FLNB: variants seen among roughly 807,000 people sequenced by gnomAD.
FLNB encodes the protein filamin B.
A neutral mutation model predicts 250.6 loss-of-function variants in FLNB; 111 were observed. That is an observed-to-expected ratio of 0.44 (90% confidence interval 0.38 to 0.52). FLNB has a LOEUF of 0.52. FLNB is among the 20% of genes least tolerant of loss of function. The pLI is 0.00. For synonymous variants in FLNB, 1,302 were observed against 1,372.1 expected (o/e 0.95, Z 1.13); for missense variants, 2,869 against 3,447.8 (o/e 0.83, Z 4.20).
At chr3:58,127,319 C>T (rs1380312831) in intron 24 of FLNB, among the ~76,000 whole-genome samples, 1 of 148,630 alleles carries the variant, frequency 6.7e-6, no homozygotes, top group African/African-American at 2.5e-5. Context: ...GAGGAAGACC[C>T]TGTCTCAAAA....
At chr3:58,102,455 A>C in intron 9 of FLNB, 115 bp downstream of exon 9, 3 of 1,246,390 alleles carry the variant, frequency 2.4e-6, no homozygotes, top group Non-Finnish European at 3.5e-6. Context: ...AGGCTATGTC[A>C]AGGATTTGAG....
At chr3:58,167,360 G>C (rs1326815164) in intron 43 of FLNB, among the ~76,000 whole-genome samples, 3 of 152,166 alleles carry the variant, frequency 2.0e-5, no homozygotes, top group Non-Finnish European at 2.9e-5. Flanking sequence ...GGAACAGCTG[G>C]GTTGTGTTTG....
chr3:58,018,004 T>C (rs1242914330), intron 1 of FLNB, among the ~76,000 whole-genome samples: 1 of 152,172 alleles, frequency 6.6e-6, no homozygotes, highest in Non-Finnish European at 1.5e-5. Context: ...CATATTATTC[T>C]TTGGCTCTTC....
chr3:58,076,081 C>T (rs936317453), intron 1 of FLNB, among the ~76,000 whole-genome samples: 23 of 152,100 alleles, frequency 1.5e-4, no homozygotes, highest in African/African-American at 2.2e-4. Context: ...CACAACAGGA[C>T]GCATTTGTGT....
intron 1 of FLNB, among the ~76,000 whole-genome samples, chr3:58,043,040 A>C (rs1169311684): frequency 6.6e-6 from 1 of 151,792 alleles, no homozygotes; most frequent in African/African-American, 2.4e-5. Flanking sequence ...GAATTGGGAA[A>C]TTTCCTAGAG....
At chr3:58,090,287 G>A (rs1227194892) in intron 4 of FLNB, among the ~76,000 whole-genome samples, 2 of 151,978 alleles carry the variant, frequency 1.3e-5, no homozygotes, top group Non-Finnish European at 2.9e-5. Context: ...TGGAACCGCC[G>A]TCTCCTATAA....
intron 28 of FLNB, among the ~76,000 whole-genome samples, chr3:58,136,874 C>G (rs2097317056): frequency 6.6e-6 from 1 of 151,326 alleles, no homozygotes. Context: ...TGCCCACGAC[C>G]ATGCCCGGCT....
chr3:58,102,256 G>A lies in FLNB; in HGVS notation c.1399G>A (p.Val467Ile), dbSNP rs373572801. The change falls in exon 9 of 46, where the codon GTC (valine) becomes ATC (isoleucine). Residue 467 changes from valine (V) to isoleucine (I), a missense_variant. Val to Ile is a conservative substitution (Grantham distance 29, BLOSUM62 3). This residue lies in a region of FLNB where 1,348 missense variants were observed against 1,466.7 expected (regional missense o/e 0.92). Coordinates refer to ENST00000295956, the MANE Select transcript of FLNB (RefSeq NM_001457.4). Reference protein sequence around the residue: ...ASGRGLQPKGVRIRETTDFKV... With the variant: ...ASGRGLQPKGIRIRETTDFKV... ...TGGCCGAGGCCTACAACCCAAAGGC[G>A]TCCGTATCCGGGAGACCACAGATTT... 3.9e-5 allele frequency: 63 copies of A among 1,614,108 alleles called. No homozygotes were observed. Among genetic ancestry groups the A allele is most frequent in the Non-Finnish European group, 4.9e-5 (58 of 1,180,026 alleles).
intron 20 of FLNB, among the ~76,000 whole-genome samples, chr3:58,122,731 C>A (rs186496438): frequency 5.7e-4 from 87 of 152,292 alleles, no homozygotes; most frequent in Non-Finnish European, 1.0e-3. Context: ...CACAAGAGCC[C>A]TTCCATGAGC....
intron 1 of FLNB, among the ~76,000 whole-genome samples, chr3:58,025,133 C>T (rs55941644): frequency 2.0e-4 from 23 of 116,504 alleles, no homozygotes; most frequent in East Asian, 1.9e-3. Flanking sequence ...TTCTTTCTTT[C>T]TTTTTTTTTT....
chr3:58,067,395 G>C (rs1388920730), intron 1 of FLNB, among the ~76,000 whole-genome samples: 1 of 152,088 alleles, frequency 6.6e-6, no homozygotes, highest in East Asian at 1.9e-4. Flanking sequence ...TGTGATCTTT[G>C]AGTAGTTCAT....
At chr3:58,049,241 C>T (rs1052269984) in intron 1 of FLNB, among the ~76,000 whole-genome samples, 2 of 152,110 alleles carry the variant, frequency 1.3e-5, no homozygotes, top group Non-Finnish European at 2.9e-5. Flanking sequence ...TCCAAGCCCA[C>T]GTCCCACCGC....
intron 44 of FLNB, chr3:58,168,956 CCT>C (rs1271886939): frequency 7.9e-5 from 29 of 365,422 alleles, no homozygotes; most frequent in Non-Finnish European, 1.1e-4. Flanking sequence ...TGAAAAATCC[CCT>C]GATTTCTAAT....
chr3:58,012,386 G>A (rs899464486), intron 1 of FLNB, among the ~76,000 whole-genome samples: 2 of 152,164 alleles, frequency 1.3e-5, no homozygotes, highest in African/African-American at 4.8e-5. Flanking sequence ...CACTTGTGGA[G>A]GTGACCCAGC....
chr3:58,010,798 T>C (rs1237926130), intron 1 of FLNB, among the ~76,000 whole-genome samples: 1 of 152,170 alleles, frequency 6.6e-6, no homozygotes, highest in African/African-American at 2.4e-5. Context: ...ACCCACTGTT[T>C]ACAGAGGCAG....
intron 29 of FLNB, among the ~76,000 whole-genome samples, chr3:58,139,455 A>G (rs867237139): frequency 1.2e-4 from 18 of 152,342 alleles, no homozygotes; most frequent in Middle Eastern, 6.8e-3. Context: ...CATTTTGTGC[A>G]GCAATGGAGA....
intron 9 of FLNB, among the ~76,000 whole-genome samples, chr3:58,103,058 A>T (rs2097253657): frequency 6.6e-6 from 1 of 152,108 alleles, no homozygotes; most frequent in African/African-American, 2.4e-5. Flanking sequence ...AGCTTCCTGT[A>T]CCAGGATTGC....
rs2097246592 is a variant in FLNB, at chr3:58,099,881, T to C, written c.1345+973T>C. Among the ~76,000 whole-genome samples the C allele has an allele frequency of 2.0e-5, 3 of 152,242 alleles. No homozygotes were observed. In the South Asian group the frequency reaches 6.2e-4, roughly 32 times the overall value. On this transcript the variant is annotated intron_variant, in intron 8 of 45. Coordinates refer to ENST00000295956, the MANE Select transcript of FLNB (RefSeq NM_001457.4). ...CCAGCCGGAACCCAAACCCACTGTC[T>C]AATTGCCTTTAAACACATCTAGGGC...
intron 4 of FLNB, among the ~76,000 whole-genome samples, chr3:58,093,256 G>A (rs966822341): frequency 6.6e-6 from 1 of 152,190 alleles, no homozygotes; most frequent in African/African-American, 2.4e-5. Context: ...GAACACAGGA[G>A]CGTCTGTCCC....
Sources: gnomAD v4.1 joint callset for allele counts (sites outside exome capture counted in the v4.1 genomes callset) on GRCh38, gnomAD v4.1.1 for gene constraint, gnomAD v4.1.1 regional missense constraint, MANE v1.5 for transcripts, NCBI Gene and HGNC (gene_info 2026-07-23, HGNC 2026-07-21) for gene names.